KALRN: variants seen among roughly 807,000 people sequenced by gnomAD.
KALRN encodes kalirin RhoGEF kinase.
A neutral mutation model predicts 353.7 loss-of-function variants in KALRN; 70 were observed. The observed-to-expected ratio is 0.20, with a 90% CI of 0.16 to 0.24. The LOEUF (loss-of-function observed/expected upper bound fraction) is 0.24, where lower values mean the gene tolerates loss of function less well. KALRN is among the 10% of genes least tolerant of loss of function. KALRN has a pLI of 1.00. For missense variants in KALRN, 2,791 were observed against 3,756.7 expected (o/e 0.74, Z 6.72); for synonymous variants, 1,391 against 1,434.8 (o/e 0.97, Z 0.69).
chr3:124,130,792 T>C (rs964291087), intron 1 of KALRN, among the ~76,000 whole-genome samples: 1 of 152,188 alleles, frequency 6.6e-6, no homozygotes, highest in African/African-American at 2.4e-5. Context: ...CAGAATGTTA[T>C]ACAGAAAAGA....
intron 1 of KALRN, among the ~76,000 whole-genome samples, chr3:124,123,323 A>G (rs2064255292): frequency 6.6e-6 from 1 of 152,242 alleles, no homozygotes; most frequent in Non-Finnish European, 1.5e-5. Context: ...ACATGATAAG[A>G]AGGGGAAACA....
At position 124,368,070 on chromosome 3, in the gene KALRN, G is replaced by A. The variant is rs1283680650; in HGVS notation, c.1771-16775G>A. 1.7e-4 allele frequency among the ~76,000 whole-genome samples: 9 copies of A among 52,070 alleles called. 1 individual carries two copies. The highest frequency in any genetic ancestry group is 4.1e-4 in the African/African-American group (5 of 12,166). The allele number at this position is 52,070 out of a possible 152,430, so 34.2% of individuals were successfully genotyped here. A position where few individuals can be genotyped will look rare whatever the true frequency, so the allele number is the denominator to read the frequency against. On this transcript the variant is annotated intron_variant, in intron 10 of 59. Transcript: ENST00000682506. Reference sequence around the variant, plus strand: ...ACCCCCCCACCTCCCTCCCGGACGGGGCGGCTGGCCAGGCGGGGGGCTGAC... The same window carrying A: ...ACCCCCCCACCTCCCTCCCGGACGGAGCGGCTGGCCAGGCGGGGGGCTGAC...
chr3:124,560,218 A>G (rs1277979046), intron 33 of KALRN, among the ~76,000 whole-genome samples: 1 of 152,214 alleles, frequency 6.6e-6, no homozygotes, highest in Non-Finnish European at 1.5e-5. Flanking sequence ...CTTCTGCTCT[A>G]ACAGTCTGCA....
chr3:124,368,334 C>T (rs190008476), intron 10 of KALRN, among the ~76,000 whole-genome samples: 17,818 of 147,928 alleles, frequency 0.12, 1,210 homozygotes, highest in Non-Finnish European at 0.16. Flanking sequence ...AGGGGCTCCT[C>T]ATTTCTCAGA....
chr3:124,693,805 T>C lies in KALRN; in HGVS notation c.7379T>C (p.Ile2460Thr), dbSNP rs1213499961. 4 of 1,564,958 alleles carry C rather than the reference T, an allele frequency of 2.6e-6. No homozygotes were observed. Among genetic ancestry groups the C allele is most frequent in the South Asian group, 1.1e-5 (1 of 87,872 alleles). The change falls in exon 52 of 60, where the codon ATC becomes ACC. Residue 2460 changes from isoleucine (I) to threonine (T), a missense_variant and splice_region_variant. Physicochemically the swap from Ile to Thr is moderately conservative, Grantham distance 89 (BLOSUM62 -1). This residue lies in a region of KALRN where 1,065 missense variants were observed against 1,156.4 expected (regional missense o/e 0.92). Transcript: ENST00000682506. Reference sequence around the variant, plus strand: ...TTTCTGTGTCTTTTTGTTTTTCAGATCTTAAATCCAAATTTCATCCAAGAA... The same window carrying C: ...TTTCTGTGTCTTTTTGTTTTTCAGACCTTAAATCCAAATTTCATCCAAGAA... ...DDLDPNTSMEILNPNFIQEVA... is the reference protein window; with the variant it reads ...DDLDPNTSMETLNPNFIQEVA...
chr3:124,297,109 T>C, intron 5 of KALRN, among the ~76,000 whole-genome samples: 1 of 152,246 alleles, frequency 6.6e-6, no homozygotes, highest in East Asian at 1.9e-4. Flanking sequence ...TTTAGTCATT[T>C]TTGCCTCATG....
intron 7 of KALRN, among the ~76,000 whole-genome samples, chr3:124,326,677 A>G (rs2079948609): frequency 6.6e-6 from 1 of 152,220 alleles, no homozygotes; most frequent in Non-Finnish European, 1.5e-5. Context: ...TTGCTAACCC[A>G]TTTTACAAAG....
Position 124,658,522 on chromosome 3 carries a change from G to C in KALRN, c.6123+5G>C. Reference sequence around the variant, plus strand: ...GAGTATGACGCCTACTTTGAGGTAAGCTGTGCAGGCTTTGCTGAACTGGGG... The same window carrying C: ...GAGTATGACGCCTACTTTGAGGTAACCTGTGCAGGCTTTGCTGAACTGGGG... On this transcript the variant is annotated splice_donor_5th_base_variant and intron_variant, in intron 42 of 59. Coordinates refer to ENST00000682506, the MANE Select transcript of KALRN (RefSeq NM_001388419.1). The C allele has an allele frequency of 1.9e-6, 3 of 1,612,862 alleles. No individual in the cohort carries two copies. Among genetic ancestry groups the C allele is most frequent in the African/African-American group, 1.3e-5 (1 of 75,022 alleles).
At chr3:124,124,290 T>C (rs2064374057) in intron 1 of KALRN, among the ~76,000 whole-genome samples, 1 of 152,174 alleles carries the variant, frequency 6.6e-6, no homozygotes, top group Non-Finnish European at 1.5e-5. Context: ...TAACCACAGA[T>C]GTGGAAGACA....
intron 3 of KALRN, among the ~76,000 whole-genome samples, chr3:124,245,191 T>G (rs2148688375): frequency 6.6e-6 from 1 of 152,268 alleles, no homozygotes; most frequent in South Asian, 2.1e-4. Flanking sequence ...TTACTACCTG[T>G]GTGAGTTGTT....
chr3:124,434,610 T>C (rs1576901539), intron 17 of KALRN, 85 bp downstream of exon 17: 2 of 1,217,940 alleles, frequency 1.6e-6, no homozygotes, highest in Admixed American at 1.9e-5. Flanking sequence ...GCAGTGCTTA[T>C]GTCAGCGAGA....
intron 1 of KALRN, among the ~76,000 whole-genome samples, chr3:124,167,036 C>T (rs989176225): frequency 6.6e-6 from 1 of 152,072 alleles, no homozygotes; most frequent in Admixed American, 6.5e-5. Flanking sequence ...CAGAGCAAGA[C>T]TCCATCTCAA....
intron 34 of KALRN, among the ~76,000 whole-genome samples, chr3:124,598,657 GTTGT>G (rs1334663537): frequency 2.0e-5 from 3 of 151,788 alleles, no homozygotes; most frequent in Admixed American, 2.0e-4. Context: ...TTGTGTTGTT[GTTGT>G]TTGTTTGATG....
chr3:124,573,602 A>C (rs2073786036), intron 34 of KALRN, among the ~76,000 whole-genome samples: 1 of 152,072 alleles, frequency 6.6e-6, no homozygotes, highest in Non-Finnish European at 1.5e-5. Flanking sequence ...CCCAGGTTCA[A>C]GTGATCCTTC....
chr3:124,423,629 A>G (rs1330333628), intron 15 of KALRN, among the ~76,000 whole-genome samples: 2 of 152,204 alleles, frequency 1.3e-5, no homozygotes, highest in African/African-American at 2.4e-5. Flanking sequence ...TAGTCCCAAC[A>G]CTTTGGGAGG....
intron 1 of KALRN, among the ~76,000 whole-genome samples, chr3:124,129,914 G>T (rs1470246699): frequency 6.6e-6 from 1 of 152,194 alleles, no homozygotes; most frequent in African/African-American, 2.4e-5. Flanking sequence ...ATGTGTTCTG[G>T]AGCCCTGCCC....
rs1024481873 is a variant in KALRN, at chr3:124,166,549, ATG to A, written c.74-61439_74-61438del. Reference sequence around the variant, plus strand: ...TTTCTTTTTATAAGAAAATTATATTATGTCTCTCCCTAACTTAAAAATCTTTA... The same window carrying A: ...TTTCTTTTTATAAGAAAATTATATTATCTCTCCCTAACTTAAAAATCTTTA... On this transcript the variant is annotated intron_variant, in intron 1 of 59. Transcript: ENST00000682506. Among the ~76,000 whole-genome samples, 50 of 152,192 alleles carry A rather than the reference ATG, an allele frequency of 3.3e-4. 1 individual carries two copies. The highest frequency in any genetic ancestry group is 2.6e-3 in the Admixed American group (40 of 15,280).
intron 5 of KALRN, among the ~76,000 whole-genome samples, chr3:124,282,212 C>T (rs375557623): frequency 1.1e-4 from 16 of 151,820 alleles, no homozygotes; most frequent in African/African-American, 1.9e-4. Flanking sequence ...CAGTGGGACA[C>T]GAGTGGGAAC....
At position 124,117,429 on chromosome 3, in the gene KALRN, G is replaced by T. The variant is rs1471023521; in HGVS notation, c.73+83616G>T. Among the ~76,000 whole-genome samples the T allele has an allele frequency of 3.3e-5, 5 of 151,852 alleles. No homozygotes were observed. In the East Asian group the frequency reaches 9.6e-4, roughly 29 times the overall value. On this transcript the variant is annotated intron_variant, in intron 1 of 59. Coordinates refer to ENST00000682506, the MANE Select transcript of KALRN (RefSeq NM_001388419.1). ...GGTCATCTCTGGAGAAGACAGAATT[G>T]GTGTGATTTGAAGGATGCTACAAAA...
Sources: allele counts gnomAD v4.1 joint callset (sites outside exome capture counted in the v4.1 genomes callset), GRCh38; gene constraint gnomAD v4.1.1; regional missense constraint gnomAD v4.1.1; transcripts MANE v1.5; gene names NCBI Gene and HGNC (gene_info 2026-07-23, HGNC 2026-07-21).